The following PBLD variants were observed in gnomAD, a reference collection of about 807,000 sequenced individuals.
The protein encoded by PBLD is phenazine biosynthesis-like domain-containing protein.
Under a neutral mutation model 31.3 loss-of-function variants are expected in PBLD, and 26 were observed. That is an observed-to-expected ratio of 0.83 (90% confidence interval 0.61 to 1.15). The LOEUF is 1.15. PBLD is among the 50% of genes most tolerant of loss of function. The pLI is 0.00. For synonymous variants in PBLD, 114 were observed against 129.0 expected (o/e 0.88, Z 0.79); for missense variants, 307 against 351.7 (o/e 0.87, Z 1.02).
intron 7 of PBLD, 109 bp from the exon 8 acceptor site, chr10:68,288,770 G>C (rs1246894475): frequency 1.7e-5 from 23 of 1,334,546 alleles, no homozygotes; most frequent in Non-Finnish European, 2.2e-5. Flanking sequence ...CTTAACAGGA[G>C]GGGAAGGAAG....
At chr10:68,297,706 AC>A (rs2044448804) in intron 2 of PBLD, among the ~76,000 whole-genome samples, 1 of 152,124 alleles carries the variant, frequency 6.6e-6, no homozygotes, top group South Asian at 2.1e-4. Context: ...CATTTTTAAA[AC>A]CCTCAATGTA....
intron 1 of PBLD, among the ~76,000 whole-genome samples, chr10:68,320,202 C>A (rs1302156046): frequency 6.6e-6 from 1 of 152,048 alleles, no homozygotes; most frequent in East Asian, 1.9e-4. Context: ...AAAAAGTAAC[C>A]AAAAGAGAGC....
At chr10:68,328,637 C>T (rs1312776688) in intron 1 of PBLD, among the ~76,000 whole-genome samples, 1 of 152,122 alleles carries the variant, frequency 6.6e-6, no homozygotes, top group Non-Finnish European at 1.5e-5. Flanking sequence ...AAAAAAAGTC[C>T]CAAAAGCAGC....
intron 1 of PBLD, among the ~76,000 whole-genome samples, chr10:68,324,233 G>A (rs1367937712): frequency 6.6e-6 from 1 of 152,078 alleles, no homozygotes; most frequent in Admixed American, 6.6e-5. Flanking sequence ...CTGGAGTGCA[G>A]TGGCACGATC....
chr10:68,325,946 A>C (rs1296369126), intron 1 of PBLD, among the ~76,000 whole-genome samples: 1 of 152,152 alleles, frequency 6.6e-6, no homozygotes. Context: ...GTTTAATGTA[A>C]TTTATCTATG....
Position 68,318,024 on chromosome 10 carries a change from G to A in PBLD, c.-59-11121C>T, listed in dbSNP as rs888760638. 7.5e-4 allele frequency among the ~76,000 whole-genome samples: 114 copies of A among 151,954 alleles called. 1 individual carries two copies. The highest frequency in any genetic ancestry group is 3.1e-4 in the Non-Finnish European group (21 of 67,982). Reference sequence around the variant, plus strand: ...GGGCAGATCACGAGGTCAGGAGATCGAGACCATCCTGGATAACACAGGGAA... The same window carrying A: ...GGGCAGATCACGAGGTCAGGAGATCAAGACCATCCTGGATAACACAGGGAA... On this transcript the variant is annotated intron_variant, in intron 1 of 9. Coordinates refer to ENST00000358769, the MANE Select transcript of PBLD (RefSeq NM_022129.4).
rs575691094 is a variant in PBLD at position 68,309,365 on chromosome 10, C to T, written c.-59-2462G>A. On this transcript the variant is annotated intron_variant, in intron 1 of 9. Transcript: ENST00000358769. ...GAAGTTGCAGTGAGCCGAGATTGTG[C>T]CACTACACTCCAGCCTAGACAACAG... is the stretch of plus-strand genomic sequence containing the variant. 9.2e-5 allele frequency among the ~76,000 whole-genome samples: 13 copies of T among 140,970 alleles called. 1 individual carries two copies. In the East Asian group the frequency reaches 3.1e-3, roughly 33 times the overall value. 92.5% of individuals were successfully genotyped at this position (140,970 alleles called of 152,430 possible). A position where few individuals can be genotyped will look rare whatever the true frequency, so the allele number is the denominator to read the frequency against.
chr10:68,297,206 G>C lies in PBLD; in HGVS notation c.85-221C>G, dbSNP rs1440233714. 7.4e-6 allele frequency: 4 copies of C among 539,740 alleles called. No individual in the cohort carries two copies. In the African/African-American group the frequency reaches 7.6e-5, roughly 10 times the overall value. 33.4% of individuals were successfully genotyped at this position (539,740 alleles called of 1,614,324 possible). A position where few individuals can be genotyped will look rare whatever the true frequency, so the allele number is the denominator to read the frequency against. On this transcript the variant is annotated intron_variant, in intron 2 of 9. Coordinates refer to ENST00000358769, the MANE Select transcript of PBLD (RefSeq NM_022129.4). ...AGAAGGGTTATAAATGTGCAAGCTG[G>C]AATAGACTGTGAAAAACTGGCTGGC...
rs757016035 is a variant in PBLD at position 68,296,274 on chromosome 10, T to C, written c.275A>G (p.His92Arg). 2 of 1,610,876 alleles carry C rather than the reference T, an allele frequency of 1.2e-6. No individual in the cohort carries two copies. The highest frequency in any genetic ancestry group is 2.2e-5 in the South Asian group (2 of 90,808). The change falls in exon 4 of 10, where the codon CAC (histidine) becomes CGC (arginine). Residue 92 changes from histidine (H) to arginine (R), a missense_variant. By Grantham distance (29) the His-to-Arg change is conservative. Transcript: ENST00000358769. ...ATLASAAVLF[H>R]KIKNMNSTLT... ...AAAGAAAATCACATTACTTATTTTG[T>C]GAAACAGCACAGCTGCAGAAGCCAG...
At chr10:68,310,103 T>C (rs933222778) in intron 1 of PBLD, among the ~76,000 whole-genome samples, 2 of 149,416 alleles carry the variant, frequency 1.3e-5, no homozygotes, top group Non-Finnish European at 3.0e-5. Context: ...ACCACTGCAC[T>C]CCAGCCTGGG....
chr10:68,313,575 G>A (rs1328080453), intron 1 of PBLD, among the ~76,000 whole-genome samples: 2 of 152,124 alleles, frequency 1.3e-5, no homozygotes, highest in Non-Finnish European at 2.9e-5. Flanking sequence ...TCAAACACCT[G>A]ATGTTTGGGA....
At position 68,283,893 on chromosome 10, in the gene PBLD, T is replaced by A. The variant is rs2044256331; in HGVS notation, c.*284A>T. ...TCCCAAGTAGCTGGAATTACAGGCA[T>A]GTGGCACCACACCCAGCTAATTTTT... On this transcript the variant is annotated 3_prime_UTR_variant, in exon 10 of 10. Coordinates refer to ENST00000358769, the MANE Select transcript of PBLD (RefSeq NM_022129.4). The A allele has an allele frequency of 3.7e-6, 1 of 273,374 alleles. No individual in the cohort carries two copies. The highest frequency in any genetic ancestry group is 7.1e-6 in the Non-Finnish European group (1 of 140,932). 16.9% of individuals were successfully genotyped at this position (273,374 alleles called of 1,614,324 possible).
rs369894210 is a variant in PBLD at position 68,298,356 on chromosome 10, G to C, written c.85-1371C>G. 1.4e-4 allele frequency among the ~76,000 whole-genome samples: 21 copies of C among 152,290 alleles called. No individual in the cohort carries two copies. The South Asian group carries it at 4.3e-3, about 32-fold the overall frequency. On this transcript the variant is annotated intron_variant, in intron 2 of 9. Coordinates refer to ENST00000358769, the MANE Select transcript of PBLD (RefSeq NM_022129.4). ...CATGCCTATAATCCCAGCACTTTGG[G>C]AGGCTCATGCCTATAATGCCAGCAC...
intron 1 of PBLD, among the ~76,000 whole-genome samples, chr10:68,320,924 C>A (rs7094618): frequency 0.17 from 25,482 of 151,698 alleles, 2,523 homozygotes; most frequent in African/African-American, 0.25. Flanking sequence ...CATGTTTGAG[C>A]AATTCTCCTG....
intron 4 of PBLD, 148 bp downstream of exon 4, chr10:68,296,118 T>C: frequency 5.5e-6 from 3 of 548,770 alleles, no homozygotes; most frequent in Non-Finnish European, 9.5e-6. Flanking sequence ...GGTCGCTGGT[T>C]TTGTTTCTGC....
At chr10:68,321,646 C>T (rs1478412274) in intron 1 of PBLD, among the ~76,000 whole-genome samples, 1 of 152,066 alleles carries the variant, frequency 6.6e-6, no homozygotes, top group Non-Finnish European at 1.5e-5. Context: ...CTGATTCTAG[C>T]ATAAGTGCAG....
At chr10:68,289,344 A>G (rs1421924672) in intron 6 of PBLD, among the ~76,000 whole-genome samples, 3 of 152,118 alleles carry the variant, frequency 2.0e-5, no homozygotes, top group Non-Finnish European at 4.4e-5. Context: ...GCTGGCCAGC[A>G]TGGCAAAACC....
intron 8 of PBLD, among the ~76,000 whole-genome samples, chr10:68,286,748 A>G (rs914257680): frequency 1.3e-5 from 2 of 152,208 alleles, no homozygotes; most frequent in African/African-American, 4.8e-5. Context: ...TAGATCAGAG[A>G]TTGGATTTTA....
At chr10:68,322,915 T>A (rs541663593) in intron 1 of PBLD, among the ~76,000 whole-genome samples, 11 of 151,678 alleles carry the variant, frequency 7.3e-5, no homozygotes, top group South Asian at 2.1e-4. Flanking sequence ...AAAAAAAAAA[T>A]TTGTTAGCAG....
Sources: allele counts gnomAD v4.1 joint callset (sites outside exome capture counted in the v4.1 genomes callset), GRCh38; gene constraint gnomAD v4.1.1; transcripts MANE v1.5; gene names NCBI Gene and HGNC (gene_info 2026-07-23, HGNC 2026-07-21).